DMD: variants seen among roughly 807,000 people sequenced by gnomAD.
DMD encodes the protein dystrophin, also known as mutant dystrophin.
In DMD, 63 loss-of-function variants were observed where a neutral mutation model predicts 330.1. The observed-to-expected ratio is 0.19, with a 90% confidence interval of 0.16 to 0.24. DMD has a LOEUF of 0.24. Among genes scored for constraint, DMD ranks in the 10% least tolerant of loss-of-function variants. The pLI is 1.00. For synonymous variants in DMD, 1,223 were observed against 959.8 expected, an observed-to-expected ratio of 1.27 and a Z score of -5.07; for missense variants, 3,344 against 2,684.1, an observed-to-expected ratio of 1.25 and a Z score of -5.43.
chrX:32,483,059 A>C (rs1362642000), intron 21 of DMD, among the ~76,000 whole-genome samples: 1 of 104,028 alleles, frequency 9.6e-6, no homozygotes, highest in Non-Finnish European at 2.0e-5. Flanking sequence ...GTTCGGATAT[A>C]ATGCATACAC....
intron 47 of DMD, among the ~76,000 whole-genome samples, chrX:31,876,730 C>CA (rs923534734): frequency 2.8e-5 from 3 of 107,887 alleles, no homozygotes; most frequent in South Asian, 3.9e-4. Context: ...CAAAACAAAA[C>CA]AAAAAAACAG....
At chrX:31,515,551 A>T (rs1190970158) in intron 55 of DMD, among the ~76,000 whole-genome samples, 8 of 111,633 alleles carry the variant, frequency 7.2e-5, no homozygotes, top group Non-Finnish European at 1.1e-4. Flanking sequence ...TGGGAAAAAA[A>T]GTGGTCTGAT....
intron 1 of DMD, among the ~76,000 whole-genome samples, chrX:33,063,589 A>T (rs2094607480): frequency 8.9e-6 from 1 of 111,767 alleles, no homozygotes; most frequent in Admixed American, 9.6e-5. Context: ...TGATGTACAG[A>T]ACATATGTCT....
chrX:32,646,505 G>C (rs1008786181), intron 9 of DMD, among the ~76,000 whole-genome samples: 1 of 111,090 alleles, frequency 9.0e-6, no homozygotes, highest in African/African-American at 3.3e-5. Context: ...CTAACAAACA[G>C]GGTTTTGTAA....
chrX:33,268,379 C>T (rs1318961028), intron 1 of DMD, among the ~76,000 whole-genome samples: 1 of 111,297 alleles, frequency 9.0e-6, no homozygotes, highest in East Asian at 2.8e-4. Flanking sequence ...AGAGCTTCTG[C>T]ACAGCCAAAG....
At chrX:33,027,489 C>A (rs917278619) in intron 1 of DMD, among the ~76,000 whole-genome samples, 1 of 112,235 alleles carries the variant, frequency 8.9e-6, no homozygotes, top group African/African-American at 3.2e-5. Context: ...TTTTAAGCCA[C>A]TAAATTTGTG....
At chrX:32,550,105 A>C (rs762943612) in intron 16 of DMD, among the ~76,000 whole-genome samples, 1 of 111,752 alleles carries the variant, frequency 8.9e-6, no homozygotes, top group Non-Finnish European at 1.9e-5. Context: ...TATGTGGTAC[A>C]GCTTATTGCT....
rs34502564 is a variant in DMD at position 32,107,338 on chromosome X, A to ATGTG, written c.6438+109574_6438+109577dup. 5.3e-3 allele frequency among the ~76,000 whole-genome samples: 470 copies of ATGTG among 89,119 alleles called. 3 individuals carry two copies. Among genetic ancestry groups the ATGTG allele is most frequent in the East Asian group, 0.018 (49 of 2,729 alleles). The allele number at this position is 89,119 out of a possible 115,157, so 77.4% of individuals were successfully genotyped here. A position where few individuals can be genotyped will look rare whatever the true frequency, so the allele number is the denominator to read the frequency against. On this transcript the variant is annotated intron_variant, in intron 44 of 78. Transcript: ENST00000357033. ...TGTATACACACACATATATAATTATATGTGTGTGTGTGTGTGTGTGTGTGT... is the reference window on the plus strand; with the variant it reads ...TGTATACACACACATATATAATTATATGTGTGTGTGTGTGTGTGTGTGTGTGTGT...
At chrX:31,747,468 T>C (rs112348687) in intron 51 of DMD, among the ~76,000 whole-genome samples, 9,167 of 111,046 alleles carry the variant, frequency 0.083, 673 homozygotes, top group Admixed American at 0.22. Flanking sequence ...GGGAGGATTT[T>C]AGACATACTT....
At chrX:32,728,145 T>C (rs1173479560) in intron 7 of DMD, among the ~76,000 whole-genome samples, 1 of 111,299 alleles carries the variant, frequency 9.0e-6, no homozygotes. Flanking sequence ...ACTACTCTTA[T>C]GCTCTTACAC....
At chrX:32,722,408 AG>A (rs34549571) in intron 7 of DMD, among the ~76,000 whole-genome samples, 31 of 110,786 alleles carry the variant, frequency 2.8e-4, no homozygotes, top group Admixed American at 4.8e-4. Context: ...TAAAGTATAT[AG>A]GGGGGTGTGC....
At chrX:31,694,817 G>A (rs971949530) in intron 52 of DMD, among the ~76,000 whole-genome samples, 5 of 108,353 alleles carry the variant, frequency 4.6e-5, no homozygotes, top group African/African-American at 1.3e-4. Context: ...ATCCACTATT[G>A]GTAGTATTGT....
chrX:32,212,961 T>A (rs778670845), intron 44 of DMD, among the ~76,000 whole-genome samples: 22 of 111,976 alleles, frequency 2.0e-4, no homozygotes, highest in African/African-American at 6.2e-4. Flanking sequence ...AGTCAGTATA[T>A]TTTGAATGAT....
intron 60 of DMD, among the ~76,000 whole-genome samples, chrX:31,353,434 T>A: frequency 8.9e-6 from 1 of 111,855 alleles, no homozygotes; most frequent in South Asian, 3.7e-4. Context: ...TGTAACTTAC[T>A]AGACTTGGGT....
chrX:33,232,587 T>C (rs781523744), intron 1 of DMD, among the ~76,000 whole-genome samples: 1 of 111,760 alleles, frequency 8.9e-6, no homozygotes, highest in African/African-American at 3.3e-5. Flanking sequence ...TTTCAATTCT[T>C]TCTCTTCTTA....
chrX:31,261,128 G>A (rs1047139733), intron 62 of DMD, 112 bp from the exon 63 acceptor site: 30 of 680,983 alleles, frequency 4.4e-5, no homozygotes, highest in East Asian at 1.4e-4. Flanking sequence ...TGAACCATTC[G>A]GAATCTTTAT....
chrX:32,847,182 T>C (rs2080763258), intron 3 of DMD, among the ~76,000 whole-genome samples: 1 of 111,977 alleles, frequency 8.9e-6, no homozygotes, highest in Admixed American at 9.5e-5. Flanking sequence ...CTTTCAATTA[T>C]GTAATTATAT....
intron 1 of DMD, among the ~76,000 whole-genome samples, chrX:33,137,166 C>T (rs1040896329): frequency 9.0e-6 from 1 of 110,853 alleles, no homozygotes; most frequent in Admixed American, 9.7e-5. Flanking sequence ...TGCCATCTTT[C>T]GGGGCTCTCC....
At chrX:32,503,596 C>T (rs1296448284) in intron 18 of DMD, among the ~76,000 whole-genome samples, 2 of 111,429 alleles carry the variant, frequency 1.8e-5, no homozygotes, top group Non-Finnish European at 3.8e-5. Flanking sequence ...CACTCTGTCG[C>T]CCAGGCTGGA....
Sources: allele counts gnomAD v4.1 joint callset (sites outside exome capture counted in the v4.1 genomes callset), GRCh38; gene constraint gnomAD v4.1.1; transcripts MANE v1.5; gene names NCBI Gene and HGNC (gene_info 2026-07-23, HGNC 2026-07-21).